Variants in MKLN1 observed in about 807,000 individuals in gnomAD.
MKLN1 encodes the protein muskelin.
Under a neutral mutation model 99.0 loss-of-function variants are expected in MKLN1, and 18 were observed. The ratio of observed to expected loss-of-function variants is 0.18; its 90% confidence interval spans 0.13 to 0.27. The LOEUF is 0.27. MKLN1 is among the 10% of genes least tolerant of loss of function. The probability of loss-of-function intolerance (pLI) is 1.00; values close to 1 mark genes in which losing one functional copy is unlikely to be tolerated. For missense variants in MKLN1, 621 were observed against 875.9 expected, an observed-to-expected ratio of 0.71 and a Z score of 3.67; for synonymous variants, 288 against 293.2, an observed-to-expected ratio of 0.98 and a Z score of 0.18.
At chr7:131,152,555 A>C (rs1428821009) in intron 2 of MKLN1, among the ~76,000 whole-genome samples, 2 of 144,664 alleles carry the variant, frequency 1.4e-5, no homozygotes, top group Non-Finnish European at 3.0e-5. Flanking sequence ...GCTGGAGTGC[A>C]GTGGCATGAT....
chr7:131,214,198 T>C (rs1796945990), intron 3 of MKLN1, among the ~76,000 whole-genome samples: 1 of 152,170 alleles, frequency 6.6e-6, no homozygotes, highest in South Asian at 2.1e-4. Flanking sequence ...CTCGTTCTCC[T>C]TTCTAGCCTC....
At chr7:131,292,345 C>T (rs1317930526) in intron 3 of MKLN1, among the ~76,000 whole-genome samples, 1 of 152,050 alleles carries the variant, frequency 6.6e-6, no homozygotes, top group Non-Finnish European at 1.5e-5. Context: ...TGTGCAATCC[C>T]CAAGGGTCAT....
At chr7:131,432,315 A>G (rs766531035) in intron 9 of MKLN1, among the ~76,000 whole-genome samples, 4 of 152,210 alleles carry the variant, frequency 2.6e-5, no homozygotes, top group African/African-American at 4.8e-5. Flanking sequence ...ATGGGTAGAT[A>G]ACTTCATTCC....
intron 1 of MKLN1, among the ~76,000 whole-genome samples, chr7:131,356,846 GT>G (rs1161816524): frequency 6.6e-6 from 1 of 152,186 alleles, no homozygotes; most frequent in Non-Finnish European, 1.5e-5. Context: ...CACAACTTCA[GT>G]TCTTGCCTCC....
chr7:131,451,854 C>T lies in MKLN1; in HGVS notation c.1525+5951C>T, dbSNP rs536857756. 4.6e-5 allele frequency among the ~76,000 whole-genome samples: 7 copies of T among 152,292 alleles called. No homozygotes were observed. In the East Asian group the frequency reaches 1.3e-3, roughly 29 times the overall value. On this transcript the variant is annotated intron_variant, in intron 12 of 17. Transcript: ENST00000352689. Reference sequence around the variant, plus strand: ...AACTTATGTGTAGAAGATGGTCTGTCACACCACCAGAGTTTTGTAGTTTTC... The same window carrying T: ...AACTTATGTGTAGAAGATGGTCTGTTACACCACCAGAGTTTTGTAGTTTTC...
chr7:131,235,153 A>T (rs1797300527), intron 3 of MKLN1, among the ~76,000 whole-genome samples: 1 of 152,064 alleles, frequency 6.6e-6, no homozygotes, highest in Admixed American at 6.6e-5. Flanking sequence ...AGACGTAGCT[A>T]GAAAGTCAAT....
rs78499522 is a variant in MKLN1 at position 131,185,446 on chromosome 7, A to G, written c.-296-17411A>G. The stretch of plus-strand genomic sequence containing the variant: ...TACAAAAAAAAAAAAAATTAGCCAG[A>G]CACGGTGGCACATGCCTGTAATCCC... On this transcript the variant is annotated intron_variant, in intron 2 of 7. Transcript: ENST00000416992. Among the ~76,000 whole-genome samples, 4 of 151,346 alleles carry G rather than the reference A, an allele frequency of 2.6e-5. No individual in the cohort carries two copies. In the South Asian group the frequency reaches 6.3e-4, roughly 24 times the overall value.
intron 3 of MKLN1, among the ~76,000 whole-genome samples, chr7:131,247,090 C>A (rs913404387): frequency 6.6e-6 from 1 of 152,094 alleles, no homozygotes; most frequent in Admixed American, 6.6e-5. Flanking sequence ...TTGTTTTGTT[C>A]TGTTGTTTAT....
At chr7:131,114,879 T>G (rs925102963) in intron 1 of MKLN1, among the ~76,000 whole-genome samples, 1 of 151,112 alleles carries the variant, frequency 6.6e-6, no homozygotes, top group Non-Finnish European at 1.5e-5. Context: ...GAGGTTGTGA[T>G]GAGCTGAAAT....
intron 2 of MKLN1, among the ~76,000 whole-genome samples, chr7:131,384,829 C>T (rs1434776532): frequency 1.3e-5 from 2 of 152,138 alleles, no homozygotes; most frequent in East Asian, 1.9e-4. Context: ...AAAATGTTAG[C>T]GTTATTTTCA....
chr7:131,305,470 G>T (rs1798448570), intron 3 of MKLN1, among the ~76,000 whole-genome samples: 1 of 152,140 alleles, frequency 6.6e-6, no homozygotes, highest in Non-Finnish European at 1.5e-5. Context: ...AATATTCTGG[G>T]TCTGTCACTG....
intron 1 of MKLN1, among the ~76,000 whole-genome samples, chr7:131,353,983 G>A (rs928700271): frequency 6.7e-6 from 1 of 149,706 alleles, no homozygotes; most frequent in African/African-American, 2.5e-5. Context: ...CTAATGATAT[G>A]TGTCTGTCCA....
At chr7:131,298,916 G>A (rs965801332) in intron 3 of MKLN1, among the ~76,000 whole-genome samples, 1 of 152,176 alleles carries the variant, frequency 6.6e-6, no homozygotes, top group Non-Finnish European at 1.5e-5. Context: ...AGTTGTTTAA[G>A]GGCATCAGAT....
At chr7:131,359,956 C>A (rs1201128663) in intron 1 of MKLN1, among the ~76,000 whole-genome samples, 3 of 151,886 alleles carry the variant, frequency 2.0e-5, no homozygotes, top group Non-Finnish European at 4.4e-5. Context: ...ACCATGTTGG[C>A]GAGGCTGGTC....
At chr7:131,269,474 C>A (rs547693614) in intron 3 of MKLN1, among the ~76,000 whole-genome samples, 1 of 152,184 alleles carries the variant, frequency 6.6e-6, no homozygotes, top group Non-Finnish European at 1.5e-5. Context: ...GCCCTCATGA[C>A]CTAATCACTT....
intron 1 of MKLN1, among the ~76,000 whole-genome samples, chr7:131,335,390 A>T (rs546282733): frequency 1.3e-5 from 2 of 152,194 alleles, no homozygotes; most frequent in African/African-American, 4.8e-5. Flanking sequence ...TTAAAAAAGT[A>T]TACAAAGAGA....
intron 3 of MKLN1, among the ~76,000 whole-genome samples, chr7:131,236,969 A>G (rs1408013587): frequency 1.3e-5 from 2 of 152,134 alleles, no homozygotes; most frequent in Non-Finnish European, 2.9e-5. Flanking sequence ...AGCCCGGGTG[A>G]CAGAGCGAGA....
chr7:131,356,140 G>A (rs1215536477), intron 1 of MKLN1, among the ~76,000 whole-genome samples: 1 of 150,074 alleles, frequency 6.7e-6, no homozygotes, highest in Non-Finnish European at 1.5e-5. Context: ...CCAAGCAAGC[G>A]ACTTGAGAAA....
At chr7:131,250,352 A>C (rs1304920578) in intron 3 of MKLN1, among the ~76,000 whole-genome samples, 8 of 151,744 alleles carry the variant, frequency 5.3e-5, no homozygotes, top group Non-Finnish European at 7.4e-5. Context: ...GGAGTTGGGG[A>C]CTCCCCCGGT....
Sources: allele counts gnomAD v4.1 joint callset (sites outside exome capture counted in the v4.1 genomes callset), GRCh38; gene constraint gnomAD v4.1.1; transcripts MANE v1.5; gene names NCBI Gene and HGNC (gene_info 2026-07-23, HGNC 2026-07-21).